Variants in DIP2C observed in about 807,000 individuals in gnomAD.
DIP2C encodes the protein disco-interacting protein 2 homolog C.
In DIP2C, 33 loss-of-function variants were observed where a neutral mutation model predicts 192.4. The observed-to-expected ratio is 0.17, with a 90% CI of 0.13 to 0.23. The LOEUF is 0.23. Ranked by LOEUF, DIP2C falls within the 10% of genes least tolerant of loss-of-function variation. The pLI is 1.00. For synonymous variants in DIP2C, 979 were observed against 864.1 expected, an observed-to-expected ratio of 1.13 and a Z score of -2.33; for missense variants, 1,537 against 2,110.1, an observed-to-expected ratio of 0.73 and a Z score of 5.32.
intron 32 of DIP2C, among the ~76,000 whole-genome samples, chr10:307,263 T>C (rs1356700127): frequency 5.9e-5 from 9 of 152,238 alleles, no homozygotes; most frequent in Admixed American, 5.9e-4. Context: ...AGAGGGAAAC[T>C]GAGGTTACAG....
rs757773810 is a variant in DIP2C, at chr10:684,452, G to A, written c.85+5042C>T. On this transcript the variant is annotated intron_variant, in intron 1 of 36. Transcript: ENST00000280886. ...TCAGTTACAACAAACTGTCCGTGAGGCTCAATGAAGCTCAGCTTTCCCACG... is the reference window on the plus strand; with the variant it reads ...TCAGTTACAACAAACTGTCCGTGAGACTCAATGAAGCTCAGCTTTCCCACG... Among the ~76,000 whole-genome samples the A allele has an allele frequency of 1.2e-3, 183 of 152,190 alleles. 2 individuals carry two copies. The highest frequency in any genetic ancestry group is 2.2e-4 in the Non-Finnish European group (15 of 68,036).
chr10:657,152 T>G (rs1856397670), intron 1 of DIP2C, among the ~76,000 whole-genome samples: 1 of 150,506 alleles, frequency 6.6e-6, no homozygotes, highest in African/African-American at 2.4e-5. Flanking sequence ...CCACTGGACC[T>G]GACGCTGGAC....
In DIP2C at chr10:674,789, T is replaced by TATAGAGAGAG; in HGVS notation, c.85+14704_85+14705insCTCTCTCTAT. Among the ~76,000 whole-genome samples, 248 of 62,480 alleles carry TATAGAGAGAG rather than the reference T, an allele frequency of 4.0e-3. 2 individuals are homozygous for TATAGAGAGAG. The highest frequency in any genetic ancestry group is 4.6e-3 in the Non-Finnish European group (173 of 37,436). The allele number at this position is 62,480 out of a possible 152,430, so 41.0% of individuals were successfully genotyped here. ...CATCTCAAATATATATATATATATA[T>TATAGAGAGAG]AGAGAGAGAGAGAGAGAGAGAGAGA... On this transcript the variant is annotated intron_variant, in intron 1 of 36. Transcript: ENST00000280886.
At chr10:608,093 A>G (rs924160379) in intron 1 of DIP2C, among the ~76,000 whole-genome samples, 1 of 148,080 alleles carries the variant, frequency 6.8e-6, no homozygotes, top group African/African-American at 2.5e-5. Flanking sequence ...CCCTCTCATA[A>G]CCTAAAAAGG....
At chr10:330,698 T>G (rs1957466852) in intron 29 of DIP2C, among the ~76,000 whole-genome samples, 1 of 151,858 alleles carries the variant, frequency 6.6e-6, no homozygotes, top group Admixed American at 6.6e-5. Flanking sequence ...AGGCTCATCT[T>G]GAACTTCGGG....
intron 1 of DIP2C, among the ~76,000 whole-genome samples, chr10:506,714 C>T (rs1253631644): frequency 6.6e-6 from 1 of 152,226 alleles, no homozygotes; most frequent in African/African-American, 2.4e-5. Flanking sequence ...GGACAACATT[C>T]TATTTGCCGG....
chr10:387,277 G>T (rs1377068672), intron 14 of DIP2C, among the ~76,000 whole-genome samples: 1 of 152,248 alleles, frequency 6.6e-6, no homozygotes, highest in African/African-American at 2.4e-5. Flanking sequence ...ACCAGTGGCT[G>T]CTGACACAAC....
intron 1 of DIP2C, among the ~76,000 whole-genome samples, chr10:494,268 G>T (rs989863545): frequency 4.0e-5 from 6 of 151,566 alleles, no homozygotes; most frequent in Admixed American, 6.6e-5. Flanking sequence ...ATGCAGTCCA[G>T]AGTCCTAAAC....
chr10:472,662 C>T (rs1970724432), intron 2 of DIP2C, 113 bp from the exon 3 acceptor site: 3 of 937,694 alleles, frequency 3.2e-6, no homozygotes, highest in South Asian at 3.0e-5. Flanking sequence ...ACCCACGGGA[C>T]TGGGCATGGC....
intron 1 of DIP2C, among the ~76,000 whole-genome samples, chr10:512,686 G>T (rs1201267815): frequency 6.6e-6 from 1 of 152,136 alleles, no homozygotes; most frequent in East Asian, 1.9e-4. Context: ...GGTCGGGGTG[G>T]GCAGATCACC....
intron 1 of DIP2C, among the ~76,000 whole-genome samples, chr10:563,063 G>A (rs1412173070): frequency 6.6e-6 from 1 of 152,190 alleles, no homozygotes; most frequent in East Asian, 1.9e-4. Flanking sequence ...TGCTCTCTGG[G>A]CAGTATTGTG....
At chr10:645,217 C>T (rs750877649) in intron 1 of DIP2C, among the ~76,000 whole-genome samples, 12 of 152,184 alleles carry the variant, frequency 7.9e-5, no homozygotes, top group African/African-American at 2.7e-4. Flanking sequence ...CTGGCATGAA[C>T]GTTCCAGAGC....
intron 24 of DIP2C, among the ~76,000 whole-genome samples, chr10:351,055 T>C (rs1286482961): frequency 6.6e-6 from 1 of 151,752 alleles, no homozygotes; most frequent in Non-Finnish European, 1.5e-5. Context: ...GATTCAGAGA[T>C]TGGGGACAGA....
chr10:528,149 C>A (rs563245166), intron 1 of DIP2C, among the ~76,000 whole-genome samples: 1 of 152,280 alleles, frequency 6.6e-6, no homozygotes, highest in South Asian at 2.1e-4. Context: ...AGAGAGAAAA[C>A]CTCCTTGGTT....
chr10:523,482 GAGGATGCAGGGACTCTGTGTC>G (rs1588383114), intron 1 of DIP2C, among the ~76,000 whole-genome samples: 2 of 123,020 alleles, frequency 1.6e-5, no homozygotes, highest in Admixed American at 8.0e-5. Context: ...ACCCTGGAGT[GAGGATGCAGGGACTCTGTGTC>G]ACCCACACAC....
intron 35 of DIP2C, 113 bp from the exon 36 acceptor site, chr10:281,436 G>GT: frequency 1.4e-6 from 2 of 1,412,084 alleles, no homozygotes; most frequent in South Asian, 3.1e-5. Context: ...GGATGCAAAG[G>GT]AAGGGGCTCA....
chr10:590,875 T>C (rs1191111448), intron 1 of DIP2C, among the ~76,000 whole-genome samples: 1 of 151,834 alleles, frequency 6.6e-6, no homozygotes, highest in Non-Finnish European at 1.5e-5. Flanking sequence ...CCAGCAGGAG[T>C]CCAGGAGCAG....
At chr10:665,638 CGCGGACTGGGACATCGTCCTCCA>C (rs1354423053) in intron 1 of DIP2C, 1 of 152,248 alleles carries the variant, frequency 6.6e-6, no homozygotes, top group Admixed American at 6.5e-5. Flanking sequence ...ACGAGGCACA[CGCGGACTGGGACATCGTCCTCCA>C]CCCTCCAGAA....
Position 623,418 on chromosome 10 carries a change from G to T in DIP2C, c.85+66076C>A, listed in dbSNP as rs7898821. ...GCCGCACTTAGGTTTTCATGAGGAC[G>T]GGTGCAGAGAAGGGGATGAAACCGA... On this transcript the variant is annotated intron_variant, in intron 1 of 36. Coordinates refer to ENST00000280886, the MANE Select transcript of DIP2C (RefSeq NM_014974.3). 9.4e-3 allele frequency among the ~76,000 whole-genome samples: 1,415 copies of T among 150,270 alleles called. 11 individuals carry two copies. Among genetic ancestry groups the T allele is most frequent in the Admixed American group, 0.014 (217 of 15,124 alleles).
Sources: allele counts gnomAD v4.1 joint callset (sites outside exome capture counted in the v4.1 genomes callset), GRCh38; gene constraint gnomAD v4.1.1; transcripts MANE v1.5; gene names NCBI Gene and HGNC (gene_info 2026-07-23, HGNC 2026-07-21).